Variants in COBL observed in about 807,000 individuals in gnomAD.
COBL encodes the protein protein cordon-bleu.
In COBL, 51 loss-of-function variants were observed where a neutral mutation model predicts 98.8. The ratio of observed to expected loss-of-function variants is 0.52; its 90% confidence interval spans 0.41 to 0.65. The LOEUF (loss-of-function observed/expected upper bound fraction) is 0.65, where lower values mean the gene tolerates loss of function less well. Ranked by LOEUF, COBL falls within the 30% of genes least tolerant of loss-of-function variation. The pLI, the probability that COBL is intolerant of heterozygous loss-of-function variation, is 0.00. For missense variants in COBL, 1,617 were observed against 1,617.5 expected (o/e 1.00, Z 0.01); for synonymous variants, 634 against 651.7 (o/e 0.97, Z 0.41).
chr7:51,118,350 G>A (rs1409256178), intron 6 of COBL, among the ~76,000 whole-genome samples: 1 of 152,078 alleles, frequency 6.6e-6, no homozygotes, highest in East Asian at 1.9e-4. Context: ...GGTGTCAGCA[G>A]GCTGTGTTTC....
At chr7:51,073,283 T>C in intron 7 of COBL, 1 of 637,958 alleles carries the variant, frequency 1.6e-6, no homozygotes, top group Admixed American at 2.3e-5. Context: ...AACAGGAAAA[T>C]CAGAGCCAGG....
At chr7:51,143,251 T>A (rs1002184249) in intron 5 of COBL, among the ~76,000 whole-genome samples, 8 of 152,028 alleles carry the variant, frequency 5.3e-5, no homozygotes, top group African/African-American at 1.9e-4. Flanking sequence ...GATGCGAGAT[T>A]TCAGCTGAGG....
Position 51,294,931 on chromosome 7 carries a change from C to A in COBL, c.41+21662G>T, listed in dbSNP as rs189874980. Among the ~76,000 whole-genome samples the A allele has an allele frequency of 1.1e-3, 169 of 151,770 alleles. 1 individual carries two copies. Among genetic ancestry groups the A allele is most frequent in the Middle Eastern group, 0.01 (3 of 294 alleles). ...GAAAAGCACACACTGGGGCCTGTTG[C>A]GGGGTAGGGGCAAGGGGAGGGAGAG... is the stretch of plus-strand genomic sequence containing the variant. On this transcript the variant is annotated intron_variant, in intron 1 of 12. Coordinates refer to ENST00000265136, the MANE Select transcript of COBL (RefSeq NM_015198.5).
At chr7:51,226,574 G>T (rs1166150964) in intron 1 of COBL, among the ~76,000 whole-genome samples, 1 of 152,156 alleles carries the variant, frequency 6.6e-6, no homozygotes, top group Non-Finnish European at 1.5e-5. Flanking sequence ...GAGTGAGTAA[G>T]TGAGTGAGTG....
At chr7:51,057,019 T>C (rs777257166) in intron 7 of COBL, among the ~76,000 whole-genome samples, 1 of 152,200 alleles carries the variant, frequency 6.6e-6, no homozygotes, top group Non-Finnish European at 1.5e-5. Context: ...TCCTGTCCTG[T>C]CCCACCATGA....
intron 5 of COBL, among the ~76,000 whole-genome samples, chr7:51,158,209 C>T (rs560997143): frequency 6.6e-6 from 1 of 152,136 alleles, no homozygotes; most frequent in Non-Finnish European, 1.5e-5. Flanking sequence ...TTTTATTTTA[C>T]TATTTCTATG....
rs759672312 is a variant in COBL at position 51,031,027 on chromosome 7, T to C, written c.1407-118A>G. 164 of 721,870 alleles carry C rather than the reference T, an allele frequency of 2.3e-4. 1 individual carries two copies. The highest frequency in any genetic ancestry group is 2.2e-4 in the Non-Finnish European group (90 of 411,330). The allele number at this position is 721,870 out of a possible 1,614,324, so 44.7% of individuals were successfully genotyped here. A position where few individuals can be genotyped will look rare whatever the true frequency, so the allele number is the denominator to read the frequency against. ...TACTCAAATTCAAGCAGTCACATAC[T>C]CACTGTACTGCTGTTGTCCTCAGAA... On this transcript the variant is annotated intron_variant, in intron 8 of 12. Transcript: ENST00000265136.
At chr7:51,042,725 C>A (rs1471102753) in intron 8 of COBL, among the ~76,000 whole-genome samples, 1 of 152,228 alleles carries the variant, frequency 6.6e-6, no homozygotes, top group East Asian at 1.9e-4. Context: ...ATATAAGGCC[C>A]AAATTGCTAA....
At chr7:51,154,119 T>G (rs1035980825) in intron 5 of COBL, among the ~76,000 whole-genome samples, 1 of 152,202 alleles carries the variant, frequency 6.6e-6, no homozygotes, top group Non-Finnish European at 1.5e-5. Flanking sequence ...AATCCAAGCT[T>G]CTGAATTCTG....
intron 1 of COBL, among the ~76,000 whole-genome samples, chr7:51,221,188 G>A (rs532931839): frequency 1.2e-4 from 18 of 152,200 alleles, no homozygotes; most frequent in Admixed American, 5.9e-4. Context: ...CCTCCCTCCC[G>A]CTCTGGCCAT....
At position 51,025,148 on chromosome 7, in the gene COBL, G is replaced by A. The variant is rs146319427; in HGVS notation, c.3729C>T (p.Asp1243=). 3.0e-3 allele frequency: 4,858 copies of A among 1,611,598 alleles called. 28 individuals are homozygous for A. Among genetic ancestry groups the A allele is most frequent in the Middle Eastern group, 0.025 (111 of 4,438 alleles). ...CAGCCCCTGTGCCGGAGCGGATGGCGTCCATCAAGGCTTGCCTTGCGTCTG... is the reference window on the plus strand; with the variant it reads ...CAGCCCCTGTGCCGGAGCGGATGGCATCCATCAAGGCTTGCCTTGCGTCTG... ...NTADARQALM[D]AIRSGTGAAR... Residue 1243 remains aspartate, a synonymous_variant, in exon 12 of 13, where the codon GAC becomes GAT. Transcript: ENST00000265136.
chr7:51,090,427 A>G (rs1258910118), intron 6 of COBL, among the ~76,000 whole-genome samples: 3 of 152,236 alleles, frequency 2.0e-5, no homozygotes, highest in African/African-American at 7.2e-5. Context: ...TGTCTGCAGG[A>G]GAAAAGCCCA....
intron 1 of COBL, among the ~76,000 whole-genome samples, chr7:51,223,369 AG>A (rs1404481166): frequency 6.6e-6 from 1 of 152,206 alleles, no homozygotes; most frequent in Non-Finnish European, 1.5e-5. Flanking sequence ...TGGGGAAAAA[AG>A]GTTTGATGAT....
intron 7 of COBL, among the ~76,000 whole-genome samples, chr7:51,056,638 G>A (rs1009147754): frequency 6.6e-6 from 1 of 152,150 alleles, no homozygotes; most frequent in Non-Finnish European, 1.5e-5. Flanking sequence ...CCTGGTTCTG[G>A]ACTAAGGAAT....
intron 7 of COBL, among the ~76,000 whole-genome samples, chr7:51,081,214 C>A (rs547227390): frequency 9.2e-5 from 14 of 152,154 alleles, no homozygotes; most frequent in Non-Finnish European, 1.5e-4. Context: ...CTGGGGCCTC[C>A]CCATCCCAAC....
chr7:51,219,805 T>G lies in COBL; in HGVS notation c.181A>C (p.Ser61Arg). The change falls in exon 2 of 13, where the codon AGC (serine) becomes CGC (arginine). Residue 61 changes from serine to arginine, a missense_variant. Coordinates refer to ENST00000265136, the MANE Select transcript of COBL (RefSeq NM_015198.5). ...LVRMKEALRA[S>R]TMDVTVVLPS... ...AGGACCACGGTGACGTCCATGGTGC[T>G]GGCCCTCAGCGCCTCCTTCATGCGA... The G allele has an allele frequency of 6.2e-7, 1 of 1,614,148 alleles. No homozygotes were observed. Among genetic ancestry groups the G allele is most frequent in the Non-Finnish European group, 8.5e-7 (1 of 1,180,040 alleles).
At position 51,030,416 on chromosome 7, in the gene COBL, G is replaced by T. The variant is rs563507352; in HGVS notation, c.1504+396C>A. Among the ~76,000 whole-genome samples the T allele has an allele frequency of 1.1e-4, 17 of 152,236 alleles. No individual in the cohort carries two copies. In the South Asian group the frequency reaches 3.5e-3, roughly 32 times the overall value. ...ATGCTCCATTATAAATGGCTTCATT[G>T]TGGTCAAAAGGCTGAGTATTTCTCA... On this transcript the variant is annotated intron_variant, in intron 9 of 12. Transcript: ENST00000265136.
Position 51,039,232 on chromosome 7 carries a change from C to T in COBL, c.1406+4151G>A, listed in dbSNP as rs796588033. 5.9e-5 allele frequency among the ~76,000 whole-genome samples: 9 copies of T among 152,244 alleles called. No individual in the cohort carries two copies. In the East Asian group the frequency reaches 9.6e-4, roughly 16 times the overall value. ...TCTTTGCTATTGTTTCTCTCAACCG[C>T]CAGAGTCTGAACATGGATGCTGCTG... On this transcript the variant is annotated intron_variant, in intron 8 of 12. Coordinates refer to ENST00000265136, the MANE Select transcript of COBL (RefSeq NM_015198.5).
chr7:51,282,667 A>C (rs760349050), intron 1 of COBL, among the ~76,000 whole-genome samples: 25 of 152,142 alleles, frequency 1.6e-4, no homozygotes, highest in Non-Finnish European at 3.4e-4. Flanking sequence ...AGGAATATAG[A>C]AGAACTCACA....
Sources: allele counts gnomAD v4.1 joint callset (sites outside exome capture counted in the v4.1 genomes callset), GRCh38; gene constraint gnomAD v4.1.1; transcripts MANE v1.5; gene names NCBI Gene and HGNC (gene_info 2026-07-23, HGNC 2026-07-21).